Variants in TMEM40 observed in about 807,000 individuals in gnomAD.
TMEM40 encodes transmembrane protein 40.
In TMEM40, 34 loss-of-function variants were observed where a neutral mutation model predicts 40.8. That is an observed-to-expected ratio of 0.83 (90% CI 0.63 to 1.11). TMEM40 has a LOEUF of 1.11. TMEM40 is among the 50% of genes least tolerant of loss of function. The pLI is 0.00. For synonymous variants in TMEM40, 106 were observed against 107.0 expected (o/e 0.99, Z 0.06); for missense variants, 296 against 280.2 (o/e 1.06, Z -0.40).
At chr3:12,768,916 GCCGGGGC>G (rs1559538119) in intron 1 of TMEM40, among the ~76,000 whole-genome samples, 18 of 97,072 alleles carry the variant, frequency 1.9e-4, no homozygotes, top group African/African-American at 6.7e-4. Context: ...GCGGGCCGGG[GCCGGGGC>G]CGGGGCGGGG....
At chr3:12,756,462 G>T (rs888839715) in intron 1 of TMEM40, among the ~76,000 whole-genome samples, 2 of 152,130 alleles carry the variant, frequency 1.3e-5, no homozygotes, top group African/African-American at 4.8e-5. Flanking sequence ...TCCTGGTTTG[G>T]GGTTTTTGGG....
upstream of TMEM40, among the ~76,000 whole-genome samples, chr3:12,760,870 G>T (rs9870463): frequency 0.05 from 7,571 of 152,048 alleles, 500 homozygotes; most frequent in African/African-American, 0.15. Context: ...GCCTGCTGAG[G>T]AGCTGGGACT....
At chr3:12,742,214 A>G (rs2061389023) in intron 5 of TMEM40, among the ~76,000 whole-genome samples, 1 of 152,154 alleles carries the variant, frequency 6.6e-6, no homozygotes, top group African/African-American at 2.4e-5. Context: ...TGGGCGACAG[A>G]GTGAGACTCC....
chr3:12,764,622 A>T (rs1044862739), intron 1 of TMEM40, among the ~76,000 whole-genome samples: 2 of 152,134 alleles, frequency 1.3e-5, no homozygotes, highest in Non-Finnish European at 2.9e-5. Context: ...AAGATTCCTA[A>T]ACTAGATTAA....
At position 12,734,568 on chromosome 3, in the gene TMEM40, G is replaced by A; in HGVS notation, c.*206C>T. 1 of 576,526 alleles carries A rather than the reference G, an allele frequency of 1.7e-6. No homozygotes were observed. Among genetic ancestry groups the A allele is most frequent in the Non-Finnish European group, 3.1e-6 (1 of 323,138 alleles). The allele number at this position is 576,526 out of a possible 1,614,324, so 35.7% of individuals were successfully genotyped here. A position where few individuals can be genotyped will look rare whatever the true frequency, so the allele number is the denominator to read the frequency against. On this transcript the variant is annotated 3_prime_UTR_variant, in exon 12 of 12. Coordinates refer to ENST00000314124, the MANE Select transcript of TMEM40 (RefSeq NM_018306.4). Reference sequence around the variant, plus strand: ...CCCTCTGCCTTCCATCCTTGCAGCTGGGTTGCACAGCAGTACTGCCCAAAT... The same window carrying A: ...CCCTCTGCCTTCCATCCTTGCAGCTAGGTTGCACAGCAGTACTGCCCAAAT...
chr3:12,755,113 TTTCTTTTCTA>T (rs1337957844), intron 1 of TMEM40, among the ~76,000 whole-genome samples: 1 of 150,580 alleles, frequency 6.6e-6, no homozygotes, highest in African/African-American at 2.4e-5. Context: ...TTTTTTCTTT[TTTCTTTTCTA>T]TTCTTTTCTT....
At chr3:12,760,083 G>A (rs1282164248), upstream of TMEM40, among the ~76,000 whole-genome samples, 1 of 152,148 alleles carries the variant, frequency 6.6e-6, no homozygotes, top group Admixed American at 6.5e-5. Context: ...CTCACACTCT[G>A]TATCTGACCC....
upstream of TMEM40, among the ~76,000 whole-genome samples, chr3:12,759,834 G>A (rs1307476413): frequency 6.6e-6 from 1 of 152,150 alleles, no homozygotes; most frequent in African/African-American, 2.4e-5. Context: ...AGAGGTGAGA[G>A]GAGCAGTGTC....
At chr3:12,744,141 T>C (rs989203544) in intron 3 of TMEM40, 152 bp from the exon 4 acceptor site, 2 of 666,614 alleles carry the variant, frequency 3.0e-6, no homozygotes, top group Admixed American at 2.7e-5. Flanking sequence ...GTAGGAGACC[T>C]GCCACTCCCT....
upstream of TMEM40, chr3:12,759,309 T>C (rs966483527): frequency 6.6e-6 from 1 of 152,374 alleles, no homozygotes; most frequent in Non-Finnish European, 1.5e-5. Flanking sequence ...AGGGCGGGAC[T>C]ACCGTGACGT....
rs536888289 is a variant in TMEM40, at chr3:12,735,772, T to C, written c.620-155A>G. On this transcript the variant is annotated intron_variant, in intron 10 of 11. Transcript: ENST00000314124. ...TTAGATAATGGTACTAGAGTTATTATTACTAAAAACAACAACCACGAACAG... is the reference window on the plus strand; with the variant it reads ...TTAGATAATGGTACTAGAGTTATTACTACTAAAAACAACAACCACGAACAG... Among the ~76,000 whole-genome samples, 7 of 152,320 alleles carry C rather than the reference T, an allele frequency of 4.6e-5. 1 individual carries two copies. In the South Asian group the frequency reaches 1.5e-3, roughly 32 times the overall value.
upstream of TMEM40, among the ~76,000 whole-genome samples, chr3:12,761,249 G>T (rs2061566721): frequency 6.6e-6 from 1 of 152,208 alleles, no homozygotes; most frequent in Non-Finnish European, 1.5e-5. Context: ...GGCCTCAGCA[G>T]CCAGGCATCC....
intron 5 of TMEM40, among the ~76,000 whole-genome samples, chr3:12,742,027 C>G (rs186449698): frequency 6.6e-6 from 1 of 152,068 alleles, no homozygotes; most frequent in African/African-American, 2.4e-5. Context: ...GTCAGGAGAC[C>G]GAGACCATCC....
At chr3:12,768,892 C>T (rs1464205606) in intron 1 of TMEM40, among the ~76,000 whole-genome samples, 1 of 64,394 alleles carries the variant, frequency 1.6e-5, no homozygotes. Context: ...CATGGCGGGG[C>T]GGGGCGGGGC....
intron 1 of TMEM40, among the ~76,000 whole-genome samples, chr3:12,766,895 C>T (rs984150380): frequency 6.6e-6 from 1 of 152,164 alleles, no homozygotes. Context: ...AGTGATCAGG[C>T]CACCTTGTGG....
chr3:12,743,912 T>TC lies in TMEM40; in HGVS notation c.288dup (p.Asn97GlufsTer12), dbSNP rs2061402596. ...GCCTATTTCCTACCGGGTGAGCCGT[T>TC]CCCGTGGGGGTATCCAGCCCCCAGG... On this transcript the variant is annotated frameshift_variant, in exon 4 of 12. Transcript: ENST00000314124. LOFTEE classifies it high-confidence loss of function. The TC allele has an allele frequency of 6.2e-7, 1 of 1,613,340 alleles. No homozygotes were observed. Among genetic ancestry groups the TC allele is most frequent in the Non-Finnish European group, 8.5e-7 (1 of 1,179,728 alleles).
intron 1 of TMEM40, chr3:12,769,209 T>TG (rs1234610451): frequency 2.7e-6 from 1 of 363,932 alleles, no homozygotes; most frequent in Non-Finnish European, 5.8e-6. Flanking sequence ...CCTCAAGTGC[T>TG]GCGTGCAGCC....
chr3:12,768,813 G>T (rs1243392249), intron 1 of TMEM40, among the ~76,000 whole-genome samples: 2 of 151,862 alleles, frequency 1.3e-5, no homozygotes, highest in Non-Finnish European at 2.9e-5. Flanking sequence ...GCCCTTGGGC[G>T]GTCGATGGGA....
At chr3:12,736,456 T>C (rs535963066) in intron 10 of TMEM40, 122 bp downstream of exon 10, 5 of 1,317,530 alleles carry the variant, frequency 3.8e-6, no homozygotes, top group African/African-American at 1.5e-5. Flanking sequence ...GGCCAGAAAA[T>C]TTTTTTAAAA....
Sources: gnomAD v4.1 joint callset for allele counts (sites outside exome capture counted in the v4.1 genomes callset) on GRCh38, gnomAD v4.1.1 for gene constraint, MANE v1.5 for transcripts, NCBI Gene and HGNC (gene_info 2026-07-23, HGNC 2026-07-21) for gene names.